Variants in GPNMB observed in about 807,000 individuals in gnomAD.
GPNMB encodes the protein transmembrane glycoprotein NMB.
A neutral mutation model predicts 57.3 loss-of-function variants in GPNMB; 71 were observed. The observed-to-expected ratio is 1.24, with a 90% CI of 1.02 to 1.51. The LOEUF is 1.51. GPNMB is among the 40% of genes most tolerant of loss of function. The probability of loss-of-function intolerance (pLI) is 0.00; values close to 1 mark genes in which losing one functional copy is unlikely to be tolerated. For synonymous variants in GPNMB, 253 were observed against 263.2 expected, an observed-to-expected ratio of 0.96 and a Z score of 0.38; for missense variants, 677 against 691.9, an observed-to-expected ratio of 0.98 and a Z score of 0.24.
In GPNMB at chr7:23,266,505, C is replaced by G. The variant is rs201810730; in HGVS notation, c.1019-12C>G. On this transcript the variant is annotated splice_polypyrimidine_tract_variant and intron_variant, in intron 6 of 10. Transcript: ENST00000258733. ...GCAACTACTCTAAAATCTTATGATT[C>G]AAACACCCCAGGACCTGCTGGTGAC... 1.8e-4 allele frequency: 291 copies of G among 1,610,884 alleles called. No homozygotes were observed. Among genetic ancestry groups the G allele is most frequent in the Non-Finnish European group, 1.9e-4 (221 of 1,178,340 alleles).
intron 1 of GPNMB, chr7:23,250,566 T>C (rs1434591584): frequency 6.7e-5 from 8 of 120,212 alleles, no homozygotes; most frequent in Non-Finnish European, 1.4e-4. Context: ...CCCCATCTCT[T>C]CAAAAAAAAA....
intron 8 of GPNMB, among the ~76,000 whole-genome samples, chr7:23,268,866 G>A (rs763024027): frequency 4.8e-4 from 73 of 152,106 alleles, no homozygotes; most frequent in Admixed American, 1.3e-3. Context: ...CCCAGGCCCC[G>A]CCCCATGAGT....
Position 23,271,788 on chromosome 7 carries a change from T to TC in GPNMB, c.1429+1615dup, listed in dbSNP as rs943728424. Among the ~76,000 whole-genome samples, 31 of 151,960 alleles carry TC rather than the reference T, an allele frequency of 2.0e-4. 1 individual carries two copies. The highest frequency in any genetic ancestry group is 5.1e-4 in the African/African-American group (21 of 41,436). ...TCCAGCCTGGCCAACAGAGTGAGAC[T>TC]CCATCTCAAACAAACAAACACAACA... On this transcript the variant is annotated intron_variant, in intron 9 of 10. Transcript: ENST00000258733.
In GPNMB at chr7:23,267,872, G is replaced by A. The variant is rs773678089; in HGVS notation, c.1118-14G>A. The A allele has an allele frequency of 6.6e-7, 1 of 1,508,126 alleles. No homozygotes were observed. The highest frequency in any genetic ancestry group is 9.2e-7 in the Non-Finnish European group (1 of 1,083,288). The allele number at this position is 1,508,126 out of a possible 1,614,324, so 93.4% of individuals were successfully genotyped here. A position where few individuals can be genotyped will look rare whatever the true frequency, so the allele number is the denominator to read the frequency against. The stretch of plus-strand genomic sequence containing the variant: ...GTATTTTGATGTGTTTTTCTCTGGG[G>A]GTTATTTTGTTAGAGGGAATCTTAG... On this transcript the variant is annotated splice_polypyrimidine_tract_variant and intron_variant, in intron 7 of 10. Coordinates refer to ENST00000258733, the MANE Select transcript of GPNMB (RefSeq NM_002510.3).
In GPNMB at chr7:23,260,736, A is replaced by G; in HGVS notation, c.981A>G (p.Pro327=). 1.3e-6 allele frequency: 2 copies of G among 1,587,026 alleles called. No individual in the cohort carries two copies. The highest frequency in any genetic ancestry group is 1.7e-6 in the Non-Finnish European group (2 of 1,163,676). The change falls in exon 6 of 11, where the codon CCA becomes CCG. Residue 327 remains proline (P), a synonymous_variant. Transcript: ENST00000258733. ...AAAPGPCPPP[P]PPPRPSKPTP... ...CACCAGGACCTTGTCCGCCACCGCCACCACCACCCAGACCTTCAAAACCCA... is the reference window on the plus strand; with the variant it reads ...CACCAGGACCTTGTCCGCCACCGCCGCCACCACCCAGACCTTCAAAACCCA...
intron 3 of GPNMB, among the ~76,000 whole-genome samples, chr7:23,255,014 T>G (rs1406923238): frequency 1.3e-5 from 2 of 152,060 alleles, no homozygotes; most frequent in Non-Finnish European, 2.9e-5. Flanking sequence ...CTACTAAAAA[T>G]ATAAAAATTA....
At chr7:23,250,488 G>A (rs902391389) in intron 1 of GPNMB, among the ~76,000 whole-genome samples, 31 of 151,902 alleles carry the variant, frequency 2.0e-4, no homozygotes, top group Admixed American at 1.1e-3. Flanking sequence ...CTAGCTAATC[G>A]GAAGGCTGGG....
At position 23,260,045 on chromosome 7, in the gene GPNMB, C is replaced by T. The variant is rs751708985; in HGVS notation, c.607C>T (p.Leu203Phe). The change falls in exon 5 of 11, where the codon CTT becomes TTT. Residue 203 changes from leucine (L) to phenylalanine (F), a missense_variant. Leu to Phe is a conservative substitution (Grantham distance 22, BLOSUM62 0). Coordinates refer to ENST00000258733, the MANE Select transcript of GPNMB (RefSeq NM_002510.3). ...RVSVNTANVT[L>F]GPQLMEVTVY... ...TTCTGTGAACACAGCCAATGTGACA[C>T]TTGGGCCTCAACTCATGGAAGTGAC... The T allele has an allele frequency of 2.5e-6, 4 of 1,613,930 alleles. No homozygotes were observed. The highest frequency in any genetic ancestry group is 3.4e-6 in the Non-Finnish European group (4 of 1,179,784).
At chr7:23,265,924 G>C (rs1231574410) in intron 6 of GPNMB, among the ~76,000 whole-genome samples, 1 of 149,022 alleles carries the variant, frequency 6.7e-6, no homozygotes, top group Non-Finnish European at 1.5e-5. Context: ...ATTTCTTCAT[G>C]ACCATTGTAT....
intron 1 of GPNMB, among the ~76,000 whole-genome samples, chr7:23,248,914 G>T (rs1411822961): frequency 6.6e-6 from 1 of 151,976 alleles, no homozygotes; most frequent in Non-Finnish European, 1.5e-5. Context: ...CTCCTGAGTA[G>T]CTGGGACCAC....
chr7:23,251,856 AT>A (rs1228364684), intron 1 of GPNMB, among the ~76,000 whole-genome samples: 5 of 152,220 alleles, frequency 3.3e-5, no homozygotes, highest in Admixed American at 3.3e-4. Context: ...ATACTCTGGA[AT>A]TTTGAACTGT....
Position 23,274,145 on chromosome 7 carries a change from G to A in GPNMB, c.1604G>A (p.Arg535His), listed in dbSNP as rs759719661. ...RSKGLSVFLN[R>H]AKAVFFPGNQ... ...AAAGGCCTGAGTGTCTTTCTCAACCGTGCAAAAGCCGTGTTCTTCCCGGGA... is the reference window on the plus strand; with the variant it reads ...AAAGGCCTGAGTGTCTTTCTCAACCATGCAAAAGCCGTGTTCTTCCCGGGA... Residue 535 changes from arginine to histidine, a missense_variant, in exon 11 of 11, where the codon CGT (arginine) becomes CAT (histidine). Coordinates refer to ENST00000258733, the MANE Select transcript of GPNMB (RefSeq NM_002510.3). 36 of 1,613,484 alleles carry A rather than the reference G, an allele frequency of 2.2e-5. No homozygotes were observed. The highest frequency in any genetic ancestry group is 1.3e-4 in the Admixed American group (8 of 60,012).
chr7:23,255,527 C>A (rs999848739), intron 3 of GPNMB, among the ~76,000 whole-genome samples: 2 of 152,188 alleles, frequency 1.3e-5, no homozygotes, highest in Non-Finnish European at 2.9e-5. Flanking sequence ...ATACATACAT[C>A]TCTTTGATGG....
chr7:23,248,021 C>G (rs1333312800), intron 1 of GPNMB: 1 of 152,336 alleles, frequency 6.6e-6, no homozygotes, highest in Admixed American at 6.5e-5. Flanking sequence ...CCTTCCATCC[C>G]GACCTCTGTC....
intron 1 of GPNMB, among the ~76,000 whole-genome samples, chr7:23,252,367 A>T (rs1471671167): frequency 6.6e-6 from 1 of 152,240 alleles, no homozygotes; most frequent in Non-Finnish European, 1.5e-5. Flanking sequence ...ATAAAAATGC[A>T]GACAGGTTTA....
At chr7:23,249,230 T>G (rs1164719538) in intron 1 of GPNMB, among the ~76,000 whole-genome samples, 1 of 152,246 alleles carries the variant, frequency 6.6e-6, no homozygotes, top group Non-Finnish European at 1.5e-5. Context: ...CCTTTATTTT[T>G]AAATTCAACT....
intron 2 of GPNMB, 127 bp downstream of exon 2, chr7:23,253,586 G>A (rs918862502): frequency 8.1e-6 from 6 of 741,560 alleles, no homozygotes; most frequent in African/African-American, 7.1e-5. Flanking sequence ...ATTACCAAGT[G>A]GGGAGGCACC....
intron 1 of GPNMB, among the ~76,000 whole-genome samples, chr7:23,251,814 C>T (rs781370694): frequency 3.3e-5 from 5 of 152,322 alleles, no homozygotes; most frequent in Non-Finnish European, 5.9e-5. Flanking sequence ...TCTATCTGCT[C>T]CTGCCCAAAT....
At chr7:23,271,683 C>A (rs1783209253) in intron 9 of GPNMB, among the ~76,000 whole-genome samples, 2 of 151,952 alleles carry the variant, frequency 1.3e-5, no homozygotes, top group African/African-American at 4.8e-5. Context: ...GTAGTCCCAG[C>A]TACTCGGGAG....
Sources: gnomAD v4.1 joint callset for allele counts (sites outside exome capture counted in the v4.1 genomes callset) on GRCh38, gnomAD v4.1.1 for gene constraint, MANE v1.5 for transcripts, NCBI Gene and HGNC (gene_info 2026-07-23, HGNC 2026-07-21) for gene names.